The following FSTL5 variants were observed in gnomAD, a reference collection of about 807,000 sequenced individuals.
The protein encoded by FSTL5 is follistatin-related protein 5.
Under a neutral mutation model 89.1 loss-of-function variants are expected in FSTL5, and 62 were observed. That is an observed-to-expected ratio of 0.70 (90% confidence interval 0.57 to 0.86). The LOEUF is 0.86. Among genes scored for constraint, FSTL5 ranks in the 40% least tolerant of loss-of-function variants. FSTL5 has a pLI of 0.00. For synonymous variants in FSTL5, 383 were observed against 346.2 expected (o/e 1.11, Z -1.18); for missense variants, 1,057 against 1,001.6 (o/e 1.06, Z -0.75).
At chr4:161,783,593 C>T (rs999563767) in intron 4 of FSTL5, among the ~76,000 whole-genome samples, 7 of 67,432 alleles carry the variant, frequency 1.0e-4, no homozygotes, top group African/African-American at 3.3e-4. Context: ...CCTTGCTTTC[C>T]TTGCCTTTCT....
chr4:161,574,547 A>G (rs1199292433), intron 8 of FSTL5, among the ~76,000 whole-genome samples: 1 of 151,732 alleles, frequency 6.6e-6, no homozygotes, highest in Admixed American at 6.6e-5. Context: ...AGTGTGTGAT[A>G]TTCCCCTCCC....
rs139824278 is a variant in FSTL5, at chr4:161,886,695, T to C, written c.409+33709A>G. On this transcript the variant is annotated intron_variant, in intron 4 of 15. Transcript: ENST00000306100. ...ATCTGTATTAGAAAGTCAACATTAA[T>C]AATTCATTTATCAGAAAGCTTAGTA... 1.4e-3 allele frequency among the ~76,000 whole-genome samples: 220 copies of C among 152,318 alleles called. 1 individual carries two copies. The highest frequency in any genetic ancestry group is 4.9e-3 in the African/African-American group (205 of 41,588).
intron 4 of FSTL5, among the ~76,000 whole-genome samples, chr4:161,788,318 T>C (rs768364195): frequency 2.0e-5 from 3 of 152,210 alleles, no homozygotes; most frequent in Non-Finnish European, 4.4e-5. Context: ...TATTGCTGAC[T>C]ATGGTTACCT....
At chr4:161,519,106 C>T (rs1369104533) in intron 10 of FSTL5, among the ~76,000 whole-genome samples, 2 of 152,198 alleles carry the variant, frequency 1.3e-5, no homozygotes, top group Non-Finnish European at 2.9e-5. Flanking sequence ...TATGACCTGG[C>T]ATCGGAAGAC....
At chr4:161,730,807 T>C (rs188588939) in intron 6 of FSTL5, among the ~76,000 whole-genome samples, 1 of 152,250 alleles carries the variant, frequency 6.6e-6, no homozygotes, top group Non-Finnish European at 1.5e-5. Flanking sequence ...TAGTTTAGAT[T>C]TACAGATGAA....
intron 8 of FSTL5, among the ~76,000 whole-genome samples, chr4:161,561,229 AGAT>A (rs1732589704): frequency 6.6e-6 from 1 of 152,018 alleles, no homozygotes; most frequent in Non-Finnish European, 1.5e-5. Context: ...ATAGATAGAT[AGAT>A]GATAGACAGA....
At chr4:161,991,544 A>G (rs1736112266) in intron 3 of FSTL5, among the ~76,000 whole-genome samples, 1 of 152,196 alleles carries the variant, frequency 6.6e-6, no homozygotes, top group Non-Finnish European at 1.5e-5. Context: ...CAGGGTGTAA[A>G]ACTCATGAGT....
rs112363859 is a variant in FSTL5, at chr4:161,541,061, C to T, written c.1177+1471G>A. Among the ~76,000 whole-genome samples the T allele has an allele frequency of 1.8e-3, 277 of 152,186 alleles. 2 individuals are homozygous for T. The highest frequency in any genetic ancestry group is 6.0e-3 in the African/African-American group (249 of 41,562). On this transcript the variant is annotated intron_variant, in intron 9 of 15. Coordinates refer to ENST00000306100, the MANE Select transcript of FSTL5 (RefSeq NM_020116.5). Reference sequence around the variant, plus strand: ...ATTATCCCAGCCATTGCCACAGATACTAAATTAGTGTCTGGACTTGGACTT... The same window carrying T: ...ATTATCCCAGCCATTGCCACAGATATTAAATTAGTGTCTGGACTTGGACTT...
At chr4:161,829,024 A>C (rs1392837920) in intron 4 of FSTL5, among the ~76,000 whole-genome samples, 1 of 151,568 alleles carries the variant, frequency 6.6e-6, no homozygotes, top group Non-Finnish European at 1.5e-5. Flanking sequence ...CAAGGAATTA[A>C]ATTTTAAGAC....
intron 14 of FSTL5, among the ~76,000 whole-genome samples, chr4:161,456,670 G>A (rs1424534929): frequency 1.3e-5 from 2 of 152,122 alleles, no homozygotes; most frequent in Non-Finnish European, 2.9e-5. Flanking sequence ...CTTTGTGAAT[G>A]TTTCCTGATA....
intron 2 of FSTL5, among the ~76,000 whole-genome samples, chr4:162,078,681 C>G (rs760065334): frequency 6.6e-6 from 1 of 151,764 alleles, no homozygotes; most frequent in African/African-American, 2.4e-5. Flanking sequence ...GATCAAAGAA[C>G]CTTTTCATTG....
rs1436364793 is a variant in FSTL5, at chr4:162,033,698, A to G, written c.127-40T>C. 7 of 1,139,746 alleles carry G rather than the reference A, an allele frequency of 6.1e-6. No homozygotes were observed. In the South Asian group the frequency reaches 9.8e-5, roughly 16 times the overall value. The allele number at this position is 1,139,746 out of a possible 1,614,324, so 70.6% of individuals were successfully genotyped here. A position where few individuals can be genotyped will look rare whatever the true frequency, so the allele number is the denominator to read the frequency against. On this transcript the variant is annotated intron_variant, in intron 2 of 15. Transcript: ENST00000306100. ...GAAAATAGGTCAAAATATGTAAGTA[A>G]ATATGTGATCAACTGTTTCATATAA...
chr4:161,507,396 G>A (rs10010335), intron 11 of FSTL5, among the ~76,000 whole-genome samples: 2,562 of 151,618 alleles, frequency 0.017, 62 homozygotes, highest in African/African-American at 0.058. Context: ...ATACATATTA[G>A]TGCATGTATA....
intron 4 of FSTL5, among the ~76,000 whole-genome samples, chr4:161,862,625 G>C (rs755890170): frequency 6.6e-6 from 1 of 152,052 alleles, no homozygotes; most frequent in Admixed American, 6.6e-5. Flanking sequence ...CCAGCTACTC[G>C]TGAGGCTGAG....
intron 4 of FSTL5, among the ~76,000 whole-genome samples, chr4:161,913,345 T>G (rs528181070): frequency 8.2e-4 from 125 of 152,142 alleles, no homozygotes; most frequent in Non-Finnish European, 1.6e-3. Flanking sequence ...CCAGGGTCAC[T>G]GTGTTGTGTG....
intron 13 of FSTL5, among the ~76,000 whole-genome samples, chr4:161,467,529 T>C (rs1002179228): frequency 3.3e-5 from 5 of 152,142 alleles, no homozygotes; most frequent in Non-Finnish European, 7.4e-5. Flanking sequence ...AAAACAGAAG[T>C]CAATATCTTT....
intron 15 of FSTL5, among the ~76,000 whole-genome samples, chr4:161,419,274 T>A (rs1362267334): frequency 6.6e-6 from 1 of 152,298 alleles, no homozygotes; most frequent in East Asian, 1.9e-4. Flanking sequence ...ATCATTTAAG[T>A]CATTTTTCTT....
rs1052142388 is a variant in FSTL5, at chr4:162,081,115, A to G, written c.126+30156T>C. Among the ~76,000 whole-genome samples, 17 of 151,706 alleles carry G rather than the reference A, an allele frequency of 1.1e-4. No individual in the cohort carries two copies. In the Middle Eastern group the frequency reaches 0.01, roughly 91 times the overall value. ...CCCTCTAAATAAACTCTACTTTAGGAAGTATTCTAATTATTTAATGATGAA... is the reference window on the plus strand; with the variant it reads ...CCCTCTAAATAAACTCTACTTTAGGGAGTATTCTAATTATTTAATGATGAA... On this transcript the variant is annotated intron_variant, in intron 2 of 15. Transcript: ENST00000306100.
chr4:161,961,458 T>C (rs1735172347), intron 3 of FSTL5, among the ~76,000 whole-genome samples: 1 of 151,942 alleles, frequency 6.6e-6, no homozygotes, highest in Non-Finnish European at 1.5e-5. Context: ...ACTGAACTGG[T>C]ATACTTGGTC....
Sources: gnomAD v4.1 joint callset for allele counts (sites outside exome capture counted in the v4.1 genomes callset) on GRCh38, gnomAD v4.1.1 for gene constraint, MANE v1.5 for transcripts, NCBI Gene and HGNC (gene_info 2026-07-23, HGNC 2026-07-21) for gene names.